The following TBC1D5 variants were observed in gnomAD, a reference collection of about 807,000 sequenced individuals.
TBC1D5 encodes the protein TBC1 domain family, member 5.
In TBC1D5, 75 loss-of-function variants were observed where a neutral mutation model predicts 100.3. The observed-to-expected ratio is 0.75, with a 90% CI of 0.62 to 0.91. TBC1D5 has a LOEUF of 0.91. Ranked by LOEUF, TBC1D5 falls within the 40% of genes least tolerant of loss-of-function variation. The probability of loss-of-function intolerance (pLI) is 0.00; values close to 1 mark genes in which losing one functional copy is unlikely to be tolerated. For missense variants in TBC1D5, 910 were observed against 942.4 expected (o/e 0.97, Z 0.45); for synonymous variants, 323 against 325.6 (o/e 0.99, Z 0.09).
At chr3:17,304,125 A>T (rs2083153473) in intron 14 of TBC1D5, among the ~76,000 whole-genome samples, 1 of 152,144 alleles carries the variant, frequency 6.6e-6, no homozygotes. Flanking sequence ...CATCAGCACC[A>T]GCTTTTCATT....
chr3:17,374,695 C>T lies in TBC1D5; in HGVS notation c.702-16G>A, dbSNP rs746682209. On this transcript the variant is annotated splice_polypyrimidine_tract_variant and intron_variant, in intron 10 of 21. Coordinates refer to ENST00000253692, the Ensembl canonical transcript of TBC1D5. ...CATTTCCTCACTTAAAAAAGCAATACAAGCAATCAAAATGTGTAATTTTTG... is the reference window on the plus strand; with the variant it reads ...CATTTCCTCACTTAAAAAAGCAATATAAGCAATCAAAATGTGTAATTTTTG... 1.2e-6 allele frequency: 2 copies of T among 1,608,502 alleles called. No individual in the cohort carries two copies. Among genetic ancestry groups the T allele is most frequent in the South Asian group, 1.1e-5 (1 of 90,320 alleles).
chr3:17,434,772 A>G (rs777160367), intron 3 of TBC1D5, among the ~76,000 whole-genome samples: 5 of 152,104 alleles, frequency 3.3e-5, no homozygotes, highest in Non-Finnish European at 5.9e-5. Flanking sequence ...ACTCCCCGTT[A>G]CTTCTGCAAA....
chr3:17,319,435 GT>G (rs35059577), intron 13 of TBC1D5, among the ~76,000 whole-genome samples: 46,697 of 137,986 alleles, frequency 0.34, 6,922 homozygotes, highest in East Asian at 0.42. Context: ...TAATTTATAG[GT>G]TTTTTTTTTT....
intron 2 of TBC1D5, among the ~76,000 whole-genome samples, chr3:17,523,484 T>C (rs1374263389): frequency 1.3e-5 from 2 of 152,078 alleles, no homozygotes; most frequent in Non-Finnish European, 2.9e-5. Flanking sequence ...GAGAAGGGAA[T>C]ATCTAGGACA....
chr3:17,736,090 ATTGG>A (rs1344275177), intron 1 of TBC1D5, among the ~76,000 whole-genome samples: 1 of 151,934 alleles, frequency 6.6e-6, no homozygotes, highest in Non-Finnish European at 1.5e-5. Flanking sequence ...TTACTACCTG[ATTGG>A]TTGGGTATGA....
chr3:17,694,895 C>T (rs11128844), intron 1 of TBC1D5, among the ~76,000 whole-genome samples: 87,014 of 152,014 alleles, frequency 0.57, 25,709 homozygotes, highest in East Asian at 0.99. Context: ...TAACAGCGGA[C>T]CTCTCGGCAG....
chr3:17,258,111 T>A lies in TBC1D5; in HGVS notation c.1331+395A>T, dbSNP rs148283118. On this transcript the variant is annotated intron_variant, in intron 16 of 21. Transcript: ENST00000253692. ...ATGCATTTATAAGCTTATTGTGTAG[T>A]TCTAAAGACAGTTGGGAAACACATT... Among the ~76,000 whole-genome samples the A allele has an allele frequency of 1.1e-4, 16 of 152,236 alleles. No individual in the cohort carries two copies. The East Asian group carries it at 2.9e-3, about 28-fold the overall frequency.
Position 17,301,913 on chromosome 3 carries a change from C to T in TBC1D5, c.1138+6079G>A, listed in dbSNP as rs76212836. On this transcript the variant is annotated intron_variant, in intron 14 of 21. Transcript: ENST00000253692. Reference sequence around the variant, plus strand: ...AAACTATTACAGGAGTAATGGTTTACGATTACTCTCACATTATTTCTTTAT... The same window carrying T: ...AAACTATTACAGGAGTAATGGTTTATGATTACTCTCACATTATTTCTTTAT... 3.1e-3 allele frequency among the ~76,000 whole-genome samples: 466 copies of T among 152,236 alleles called. 1 individual carries two copies. Among genetic ancestry groups the T allele is most frequent in the African/African-American group, 0.011 (446 of 41,544 alleles).
intron 1 of TBC1D5, among the ~76,000 whole-genome samples, chr3:17,724,519 T>TTC (rs376719731): frequency 6.6e-6 from 1 of 152,308 alleles, no homozygotes; most frequent in African/African-American, 2.4e-5. Flanking sequence ...TAATCTTTTA[T>TTC]TCTCTGGCAA....
Position 17,252,382 on chromosome 3 carries a change from G to A in TBC1D5, c.1331+6124C>T, listed in dbSNP as rs557808180. Among the ~76,000 whole-genome samples, 11 of 152,196 alleles carry A rather than the reference G, an allele frequency of 7.2e-5. No homozygotes were observed. In the South Asian group the frequency reaches 1.0e-3, roughly 14 times the overall value. On this transcript the variant is annotated intron_variant, in intron 16 of 21. Coordinates refer to ENST00000253692, the Ensembl canonical transcript of TBC1D5. ...AACTATCCCAGTTTTCCTCTGCCCC[G>A]ACAGAGCCTAAATAACTTCACTGAT...
intron 5 of TBC1D5, 68 bp from the exon 6 acceptor site, chr3:17,405,029 T>C (rs2093735629): frequency 3.6e-6 from 3 of 829,674 alleles, no homozygotes; most frequent in Non-Finnish European, 3.8e-6. Context: ...TATGCCAAAC[T>C]GAACCACCTG....
intron 3 of TBC1D5, among the ~76,000 whole-genome samples, chr3:17,445,830 T>G (rs1421477187): frequency 6.6e-6 from 1 of 152,190 alleles, no homozygotes; most frequent in African/African-American, 2.4e-5. Context: ...ACTTCAAGTC[T>G]TGGACCATAT....
intron 2 of TBC1D5, among the ~76,000 whole-genome samples, chr3:17,538,373 G>A: frequency 6.6e-6 from 1 of 152,032 alleles, no homozygotes; most frequent in East Asian, 1.9e-4. Context: ...GGGAACGCTC[G>A]ACAGGTAAGG....
chr3:17,578,711 T>A (rs1380473935), intron 2 of TBC1D5, among the ~76,000 whole-genome samples: 1 of 152,048 alleles, frequency 6.6e-6, no homozygotes, highest in Non-Finnish European at 1.5e-5. Flanking sequence ...TACATGCTCA[T>A]CAGGTAAAAA....
intron 9 of TBC1D5, among the ~76,000 whole-genome samples, chr3:17,377,427 T>G (rs2092753055): frequency 6.6e-6 from 1 of 152,086 alleles, no homozygotes; most frequent in Non-Finnish European, 1.5e-5. Flanking sequence ...CTAATTGAGA[T>G]TTCTTTCCCC....
intron 13 of TBC1D5, among the ~76,000 whole-genome samples, chr3:17,350,156 C>T (rs1455144536): frequency 6.6e-6 from 1 of 152,024 alleles, no homozygotes; most frequent in East Asian, 1.9e-4. Context: ...ATTGTCATTG[C>T]TTGCTTAGCA....
rs151333932 is a variant in TBC1D5, at chr3:17,214,962, G to A, written c.1589-592C>T. On this transcript the variant is annotated intron_variant, in intron 17 of 21. Transcript: ENST00000253692. ...CTAATGCAGGATCTTCGGTGTTCAAGGAGATCACAAAGTGACCGGTATGGT... is the reference window on the plus strand; with the variant it reads ...CTAATGCAGGATCTTCGGTGTTCAAAGAGATCACAAAGTGACCGGTATGGT... 4.2e-3 allele frequency among the ~76,000 whole-genome samples: 641 copies of A among 152,152 alleles called. 1 individual carries two copies. Among genetic ancestry groups the A allele is most frequent in the Non-Finnish European group, 7.5e-3 (509 of 68,012 alleles).
At chr3:17,274,732 C>A (rs1275753918) in intron 15 of TBC1D5, among the ~76,000 whole-genome samples, 2 of 152,150 alleles carry the variant, frequency 1.3e-5, no homozygotes, top group African/African-American at 2.4e-5. Context: ...GAAATACTCT[C>A]TATTTTTATT....
chr3:17,688,451 T>C (rs1023534165), intron 1 of TBC1D5, among the ~76,000 whole-genome samples: 2 of 152,260 alleles, frequency 1.3e-5, no homozygotes, highest in Non-Finnish European at 2.9e-5. Context: ...ATAAAAATGT[T>C]GGCACAGATG....
Sources: gnomAD v4.1 joint callset for allele counts (sites outside exome capture counted in the v4.1 genomes callset) on GRCh38, gnomAD v4.1.1 for gene constraint, MANE v1.5 for transcripts, NCBI Gene and HGNC (gene_info 2026-07-23, HGNC 2026-07-21) for gene names.